PCNX2: variants seen among roughly 807,000 people sequenced by gnomAD.
The protein encoded by PCNX2 is pecanex 2, also known as pecanex-like protein 2.
Under a neutral mutation model 223.8 loss-of-function variants are expected in PCNX2, and 168 were observed. The observed-to-expected ratio is 0.75, with a 90% CI of 0.66 to 0.85. The LOEUF is 0.85. PCNX2 is among the 40% of genes least tolerant of loss of function. The pLI is 0.00. For synonymous variants in PCNX2, 1,006 were observed against 1,052.6 expected, an observed-to-expected ratio of 0.96 and a Z score of 0.86; for missense variants, 2,507 against 2,675.5, an observed-to-expected ratio of 0.94 and a Z score of 1.39.
At chr1:233,159,262 G>A (rs1678322057) in intron 19 of PCNX2, among the ~76,000 whole-genome samples, 1 of 152,138 alleles carries the variant, frequency 6.6e-6, no homozygotes, top group Non-Finnish European at 1.5e-5. Context: ...CCCACCCAGA[G>A]ATGTTCCTTA....
intron 8 of PCNX2, among the ~76,000 whole-genome samples, chr1:233,237,660 T>G (rs962743087): frequency 1.3e-5 from 2 of 152,210 alleles, no homozygotes; most frequent in African/African-American, 4.8e-5. Flanking sequence ...TCTGATTTTC[T>G]AGTAGGGTAT....
rs1279711705 is a variant in PCNX2, at chr1:233,160,450, C to T, written c.3367-17G>A. The T allele has an allele frequency of 1.9e-6, 3 of 1,611,352 alleles. 1 individual carries two copies. In the South Asian group the frequency reaches 3.3e-5, roughly 18 times the overall value. On this transcript the variant is annotated splice_polypyrimidine_tract_variant and intron_variant, in intron 18 of 33. Transcript: ENST00000258229. The stretch of plus-strand genomic sequence containing the variant: ...GAGAAATGGCTGCGATAAAAATGGG[C>T]AGAATCTCATTACTTAGCCTAGAGG...
chr1:233,292,845 T>C (rs548499068), intron 1 of PCNX2, among the ~76,000 whole-genome samples: 2 of 152,122 alleles, frequency 1.3e-5, no homozygotes, highest in Non-Finnish European at 2.9e-5. Context: ...AAAAGTAGCA[T>C]AACAGTAACT....
At chr1:233,261,196 A>G (rs1660021005) in intron 4 of PCNX2, 89 bp downstream of exon 4, 1 of 1,226,774 alleles carries the variant, frequency 8.2e-7, no homozygotes. Context: ...CTTATTTTCA[A>G]TTAATCCACT....
chr1:233,187,431 C>T (rs536150787), intron 15 of PCNX2, among the ~76,000 whole-genome samples: 7 of 152,220 alleles, frequency 4.6e-5, no homozygotes, highest in African/African-American at 1.7e-4. Context: ...AGCTCAAATT[C>T]TGGGCCTAGA....
At position 232,984,580 on chromosome 1, in the gene PCNX2, G is replaced by A. The variant is rs903390908; in HGVS notation, c.6241-103C>T. ...CGTGCTGTGGGAGCTAAAGGCTAGC[G>A]CTGCCATATCCTTGAGGTCAGGTTC... On this transcript the variant is annotated intron_variant, in intron 33 of 33. Coordinates refer to ENST00000258229, the MANE Select transcript of PCNX2 (RefSeq NM_014801.4). 4.1e-5 allele frequency: 54 copies of A among 1,309,404 alleles called. No individual in the cohort carries two copies. The South Asian group carries it at 4.8e-4, about 12-fold the overall frequency. 81.1% of individuals were successfully genotyped at this position (1,309,404 alleles called of 1,614,324 possible).
At chr1:233,304,941 C>T in the PCNX2 span, among the ~76,000 whole-genome samples, 1 of 152,036 alleles carries the variant, frequency 6.6e-6, no homozygotes, top group Non-Finnish European at 1.5e-5. Flanking sequence ...TAATCTTCTA[C>T]ACAAATTAGT....
chr1:233,100,362 G>A (rs1674415191), intron 21 of PCNX2, among the ~76,000 whole-genome samples: 1 of 145,764 alleles, frequency 6.9e-6, no homozygotes, highest in Non-Finnish European at 1.5e-5. Flanking sequence ...AAGTTTCAGT[G>A]AGCTGAGATC....
the PCNX2 span, among the ~76,000 whole-genome samples, chr1:233,312,065 T>TTGCAG: frequency 1.3e-5 from 2 of 152,078 alleles, no homozygotes; most frequent in Admixed American, 1.3e-4. Flanking sequence ...GAGGCGGAGG[T>TTGCAG]TGCAGTGAGC....
rs6424265 is a variant in PCNX2 at position 233,024,009 on chromosome 1, C to T, written c.4605+1137G>A. On this transcript the variant is annotated intron_variant, in intron 26 of 33. Coordinates refer to ENST00000258229, the MANE Select transcript of PCNX2 (RefSeq NM_014801.4). Reference sequence around the variant, plus strand: ...CTCACTGCAGCCTCAAACTCCTGGGCTCAGGCAAATCTCCTGCCTCAGCCT... The same window carrying T: ...CTCACTGCAGCCTCAAACTCCTGGGTTCAGGCAAATCTCCTGCCTCAGCCT... Among the ~76,000 whole-genome samples the T allele has an allele frequency of 4.7e-3, 718 of 152,292 alleles. 3 individuals are homozygous for T. The highest frequency in any genetic ancestry group is 0.016 in the African/African-American group (684 of 41,562).
intron 21 of PCNX2, among the ~76,000 whole-genome samples, chr1:233,127,657 T>C (rs1224050352): frequency 6.6e-6 from 1 of 152,150 alleles, no homozygotes; most frequent in East Asian, 1.9e-4. Flanking sequence ...TACCATTGTA[T>C]AGCTAAGAGA....
chr1:233,004,272 G>T (rs933106346), intron 28 of PCNX2, among the ~76,000 whole-genome samples: 1 of 151,976 alleles, frequency 6.6e-6, no homozygotes, highest in Non-Finnish European at 1.5e-5. Flanking sequence ...GGGTGTTCAG[G>T]TTCCTAGGTT....
chr1:233,118,214 A>T (rs1164636834), intron 21 of PCNX2, among the ~76,000 whole-genome samples: 1 of 152,162 alleles, frequency 6.6e-6, no homozygotes, highest in East Asian at 1.9e-4. Flanking sequence ...TTAGAAAAAT[A>T]GGAATAGAAG....
At chr1:233,210,646 C>T (rs1206170900) in intron 12 of PCNX2, 2 of 985,214 alleles carry the variant, frequency 2.0e-6, no homozygotes, top group African/African-American at 1.7e-5. Context: ...TCAATTCCTA[C>T]TGCCACATAT....
At chr1:233,172,280 A>G (rs1679200184) in intron 17 of PCNX2, 2 of 909,726 alleles carry the variant, frequency 2.2e-6, no homozygotes, top group South Asian at 1.0e-4. Flanking sequence ...GGTTTGGGAA[A>G]CACTTGGACA....
chr1:233,022,087 G>A (rs1670907197), intron 26 of PCNX2, among the ~76,000 whole-genome samples: 3 of 152,132 alleles, frequency 2.0e-5, no homozygotes, highest in Admixed American at 2.0e-4. Flanking sequence ...CTGGCCCCAT[G>A]GTGACGAGTT....
chr1:233,195,223 G>C (rs930080394), intron 15 of PCNX2, among the ~76,000 whole-genome samples: 23 of 151,854 alleles, frequency 1.5e-4, no homozygotes, highest in African/African-American at 5.3e-4. Flanking sequence ...AAATCAATAT[G>C]GTCTTCTCAA....
Position 233,261,340 on chromosome 1 carries a change from C to G in PCNX2, c.481-19G>C, listed in dbSNP as rs1414516057. 1.2e-6 allele frequency: 2 copies of G among 1,611,002 alleles called. 1 individual carries two copies. Among genetic ancestry groups the G allele is most frequent in the Admixed American group, 3.3e-5 (2 of 59,788 alleles). On this transcript the variant is annotated intron_variant, in intron 3 of 33. Transcript: ENST00000258229. ...ACAACTCCTACACAAATGAAAGAAACAAAAATCAATAGATGACTCAGCTGA... is the reference window on the plus strand; with the variant it reads ...ACAACTCCTACACAAATGAAAGAAAGAAAAATCAATAGATGACTCAGCTGA...
At chr1:233,115,531 T>C (rs1675358006) in intron 21 of PCNX2, among the ~76,000 whole-genome samples, 1 of 152,214 alleles carries the variant, frequency 6.6e-6, no homozygotes, top group Admixed American at 6.5e-5. Flanking sequence ...ATTAAATGCT[T>C]TCTTACCTCA....
Sources: gnomAD v4.1 joint callset for allele counts (sites outside exome capture counted in the v4.1 genomes callset) on GRCh38, gnomAD v4.1.1 for gene constraint, MANE v1.5 for transcripts, NCBI Gene and HGNC (gene_info 2026-07-23, HGNC 2026-07-21) for gene names.